Variants in GSAP observed in about 807,000 individuals in gnomAD.
The protein encoded by GSAP is gamma-secretase-activating protein.
A neutral mutation model predicts 131.7 loss-of-function variants in GSAP; 118 were observed. The observed-to-expected ratio is 0.90, with a 90% CI of 0.77 to 1.04. The LOEUF (loss-of-function observed/expected upper bound fraction) is 1.04, where lower values mean the gene tolerates loss of function less well. Ranked by LOEUF, GSAP falls within the 50% of genes least tolerant of loss-of-function variation. GSAP has a pLI of 0.00. For missense variants in GSAP, 1,019 were observed against 1,013.2 expected (o/e 1.01, Z -0.08); for synonymous variants, 381 against 363.4 (o/e 1.05, Z -0.55).
In GSAP at chr7:77,394,740, T is replaced by A. The variant is rs78384167; in HGVS notation, c.367+2242A>T. On this transcript the variant is annotated intron_variant, in intron 5 of 30. Transcript: ENST00000257626. Reference sequence around the variant, plus strand: ...TAGAGATGGAAAGGAAGACCATTTATCTTTCAGCTCCTTGCCACCATTGGT... The same window carrying A: ...TAGAGATGGAAAGGAAGACCATTTAACTTTCAGCTCCTTGCCACCATTGGT... Among the ~76,000 whole-genome samples the A allele has an allele frequency of 1.4e-3, 213 of 152,332 alleles. 3 individuals are homozygous for A. The East Asian group carries it at 0.035, about 25-fold the overall frequency.
chr7:77,390,603 A>G (rs1799314747), intron 5 of GSAP, among the ~76,000 whole-genome samples: 2 of 152,062 alleles, frequency 1.3e-5, no homozygotes, highest in African/African-American at 2.4e-5. Flanking sequence ...GTAGATATGC[A>G]GCATTATATC....
intron 5 of GSAP, among the ~76,000 whole-genome samples, 176 bp downstream of exon 5, chr7:77,396,806 C>T (rs377712952): frequency 2.7e-5 from 4 of 150,566 alleles, no homozygotes; most frequent in Admixed American, 1.3e-4. Context: ...TTTCTGTTTG[C>T]TTGAAAAAAA....
chr7:77,351,963 G>A (rs1283282242), intron 18 of GSAP, among the ~76,000 whole-genome samples: 2 of 152,138 alleles, frequency 1.3e-5, no homozygotes, highest in African/African-American at 2.4e-5. Context: ...AAAGAAAAAC[G>A]TGGGTGCCTA....
chr7:77,312,673 CTT>C (rs1013774055), intron 28 of GSAP, among the ~76,000 whole-genome samples: 15 of 152,174 alleles, frequency 9.9e-5, no homozygotes, highest in African/African-American at 3.4e-4. Context: ...GGAAAATATG[CTT>C]TGTTTTCTAT....
At chr7:77,403,943 T>TA (rs1189747556) in intron 3 of GSAP, among the ~76,000 whole-genome samples, 3 of 152,130 alleles carry the variant, frequency 2.0e-5, no homozygotes, top group Non-Finnish European at 4.4e-5. Flanking sequence ...ACAAAAGAAT[T>TA]AAAAAATACC....
intron 26 of GSAP, among the ~76,000 whole-genome samples, chr7:77,317,953 G>A (rs544290887): frequency 3.3e-5 from 5 of 152,100 alleles, no homozygotes; most frequent in Non-Finnish European, 7.4e-5. Flanking sequence ...CTTTTGTACT[G>A]CCATACAGAC....
At chr7:77,395,388 T>C (rs1422590899) in intron 5 of GSAP, among the ~76,000 whole-genome samples, 1 of 152,162 alleles carries the variant, frequency 6.6e-6, no homozygotes, top group African/African-American at 2.4e-5. Flanking sequence ...AGCCATATCC[T>C]GGGGTTTTGC....
intron 1 of GSAP, chr7:77,415,415 G>A (rs1272011116): frequency 6.6e-6 from 1 of 152,244 alleles, no homozygotes; most frequent in East Asian, 1.9e-4. Context: ...ATTTATAGAA[G>A]ACTTTTAAAA....
upstream of GSAP, chr7:77,416,561 T>A (rs4729396): frequency 0.64 from 238,582 of 375,698 alleles, 76,077 homozygotes; most frequent in African/African-American, 0.69. Context: ...TGGGGCGGGG[T>A]GGACCAGGCG....
intron 1 of GSAP, among the ~76,000 whole-genome samples, chr7:77,408,969 A>T (rs1690310894): frequency 6.6e-6 from 1 of 152,118 alleles, no homozygotes; most frequent in South Asian, 2.1e-4. Context: ...TTCACTGAGA[A>T]CTTAGACATC....
chr7:77,415,867 C>T, intron 1 of GSAP: 2 of 232,480 alleles, frequency 8.6e-6, no homozygotes, highest in East Asian at 8.3e-5. Context: ...AGGTGGGATG[C>T]GGCCGCTGAG....
At chr7:77,331,468 G>T (rs1295825448) in intron 19 of GSAP, among the ~76,000 whole-genome samples, 3 of 152,140 alleles carry the variant, frequency 2.0e-5, no homozygotes, top group African/African-American at 7.2e-5. Flanking sequence ...AAAACTAAGT[G>T]AACTATTGCC....
chr7:77,395,845 A>T (rs2051898), intron 5 of GSAP, among the ~76,000 whole-genome samples: 134,583 of 152,196 alleles, frequency 0.88, 59,828 homozygotes, highest in African/African-American at 0.96. Flanking sequence ...AGAAGTAATT[A>T]AAGAAGGAAT....
At chr7:77,353,093 A>C in intron 17 of GSAP, 67 bp from the exon 18 acceptor site, 1 of 839,706 alleles carries the variant, frequency 1.2e-6, no homozygotes, top group Admixed American at 1.9e-5. Flanking sequence ...ACAGCATTGT[A>C]ATGCAACCAA....
chr7:77,395,968 C>T (rs1237386095), intron 5 of GSAP, among the ~76,000 whole-genome samples: 2 of 152,206 alleles, frequency 1.3e-5, no homozygotes, highest in African/African-American at 4.8e-5. Flanking sequence ...AGGCTGGCTC[C>T]AGCCCACAGG....
chr7:77,353,072 A>G (rs1384789287), intron 17 of GSAP, 46 bp from the exon 18 acceptor site: 1 of 1,059,558 alleles, frequency 9.4e-7, no homozygotes, highest in Non-Finnish European at 1.5e-6. Flanking sequence ...ATGTGGTTTA[A>G]TAAGATGATG....
chr7:77,387,437 A>G lies in GSAP; in HGVS notation c.379T>C (p.Leu127=). The G allele has an allele frequency of 6.3e-7, 1 of 1,579,316 alleles. No homozygotes were observed. Among genetic ancestry groups the G allele is most frequent in the Non-Finnish European group, 8.7e-7 (1 of 1,148,332 alleles). Residue 127 remains leucine, a synonymous_variant, in exon 6 of 31, where the codon TTG becomes CTG. Coordinates refer to ENST00000257626, the MANE Select transcript of GSAP (RefSeq NM_017439.4). ...RNELQPGSKC[L]TLLVEIHPVN... is the part of the protein sequence containing the mutation. ...GGGTGGATTTCAACCAACAAAGTCA[A>G]GCACTTTGATCCTACAGAGAAAAGA...
rs748474240 is a variant in GSAP, at chr7:77,362,664, G to T, written c.872-4C>A. 2 of 1,517,542 alleles carry T rather than the reference G, an allele frequency of 1.3e-6. No homozygotes were observed. The highest frequency in any genetic ancestry group is 2.8e-5 in the African/African-American group (2 of 72,296). The allele number at this position is 1,517,542 out of a possible 1,614,324, so 94.0% of individuals were successfully genotyped here. On this transcript the variant is annotated splice_region_variant and splice_polypyrimidine_tract_variant and intron_variant, in intron 12 of 30. Transcript: ENST00000257626. ...CTGTAACATACACACAAACTTCCTA[G>T]AAGAAAAAGGATATTTAGTAGAGTT...
At chr7:77,350,754 AAG>A (rs1792746153) in intron 18 of GSAP, among the ~76,000 whole-genome samples, 1 of 152,186 alleles carries the variant, frequency 6.6e-6, no homozygotes, top group Non-Finnish European at 1.5e-5. Context: ...AAAGAAAAAA[AAG>A]AGTTTCTGCA....
Sources: gnomAD v4.1 joint callset for allele counts (sites outside exome capture counted in the v4.1 genomes callset) on GRCh38, gnomAD v4.1.1 for gene constraint, MANE v1.5 for transcripts, NCBI Gene and HGNC (gene_info 2026-07-23, HGNC 2026-07-21) for gene names.